Variants in RAP1GAP2 observed in about 807,000 individuals in gnomAD.
RAP1GAP2 encodes the protein RAP1 GTPase activating protein 2.
RAP1GAP2 carries 27 observed loss-of-function variants against 95.0 expected under a neutral mutation model. The observed-to-expected ratio is 0.28, with a 90% CI of 0.21 to 0.39. The LOEUF (loss-of-function observed/expected upper bound fraction) is 0.39. Ranked by LOEUF, RAP1GAP2 falls within the 10% of genes least tolerant of loss-of-function variation. The pLI is 1.00. For missense variants in RAP1GAP2, 771 were observed against 970.0 expected (o/e 0.79, Z 2.72); for synonymous variants, 373 against 380.9 (o/e 0.98, Z 0.24).
At chr17:2,832,520 T>C (rs1038102040) in intron 2 of RAP1GAP2, among the ~76,000 whole-genome samples, 13 of 136,744 alleles carry the variant, frequency 9.5e-5, no homozygotes, top group South Asian at 4.6e-4. Flanking sequence ...ATCGCGCCAC[T>C]GCACTCCAGC....
In RAP1GAP2 at chr17:3,008,236, A is replaced by T; in HGVS notation, c.1494+91A>T. The T allele has an allele frequency of 6.5e-7, 1 of 1,546,166 alleles. No homozygotes were observed. Among genetic ancestry groups the T allele is most frequent in the Admixed American group, 1.8e-5 (1 of 55,276 alleles). On this transcript the variant is annotated intron_variant, in intron 17 of 24. Transcript: ENST00000254695. The surrounding 1 kb of genome is among the most constrained non-coding windows in gnomAD (Gnocchi z 4.2). ...AAGGTCCATGGGATACTGATCCCAG[A>T]GCCCAAGGGCCAGCTGGAGGGGTGA...
chr17:2,965,412 T>C lies in RAP1GAP2; in HGVS notation c.493-128T>C. 1.4e-6 allele frequency: 1 copy of C among 721,226 alleles called. No individual in the cohort carries two copies. The highest frequency in any genetic ancestry group is 2.3e-6 in the Non-Finnish European group (1 of 432,288). The allele number at this position is 721,226 out of a possible 1,614,324, so 44.7% of individuals were successfully genotyped here. ...TCGGTACCTGTTAATGTCGTTGTCATTGTCATCAGTAGCATCCTTCTCTTC... is the reference window on the plus strand; with the variant it reads ...TCGGTACCTGTTAATGTCGTTGTCACTGTCATCAGTAGCATCCTTCTCTTC... On this transcript the variant is annotated intron_variant, in intron 7 of 24. Transcript: ENST00000254695. This position sits in a 1 kb window ranked among gnomAD's most constrained non-coding sequence, Gnocchi z 4.7.
chr17:3,032,755 G>A (rs2047366821), intron 24 of RAP1GAP2, among the ~76,000 whole-genome samples: 1 of 152,084 alleles, frequency 6.6e-6, no homozygotes. Flanking sequence ...TCTGACCCAG[G>A]AGGGAGGAGT....
chr17:2,897,101 C>T (rs568893245), intron 2 of RAP1GAP2, among the ~76,000 whole-genome samples: 10 of 152,320 alleles, frequency 6.6e-5, no homozygotes, highest in Admixed American at 5.2e-4. Context: ...CTTTGGGAGG[C>T]TGAGGCGGGT....
intron 2 of RAP1GAP2, among the ~76,000 whole-genome samples, chr17:2,837,118 G>T (rs1416423769): frequency 6.6e-6 from 1 of 152,002 alleles, no homozygotes; most frequent in African/African-American, 2.4e-5. Flanking sequence ...AAGCATGGTG[G>T]TGCACACCTG....
chr17:2,875,720 G>T (rs574920585), intron 2 of RAP1GAP2, among the ~76,000 whole-genome samples: 3 of 151,822 alleles, frequency 2.0e-5, no homozygotes, highest in Admixed American at 6.6e-5. Context: ...CCGTCTCGCC[G>T]CCTGTCTGTC....
Position 2,963,396 on chromosome 17 carries a change from G to A in RAP1GAP2, c.247-34G>A. ...GGTCAGACTTTACGGGCACTGCCGG[G>A]ACTAACGGTGGCATCATCTGGTTTG... On this transcript the variant is annotated intron_variant, in intron 5 of 24. Coordinates refer to ENST00000254695, the MANE Select transcript of RAP1GAP2 (RefSeq NM_015085.5). The surrounding 1 kb of genome is among the most constrained non-coding windows in gnomAD (Gnocchi z 4.8). 1 of 1,613,610 alleles carries A rather than the reference G, an allele frequency of 6.2e-7. No individual in the cohort carries two copies. Among genetic ancestry groups the A allele is most frequent in the East Asian group, 2.2e-5 (1 of 44,832 alleles).
intron 2 of RAP1GAP2, among the ~76,000 whole-genome samples, chr17:2,822,910 C>G (rs1417651305): frequency 6.6e-6 from 1 of 152,070 alleles, no homozygotes; most frequent in African/African-American, 2.4e-5. Flanking sequence ...GTCAGGAGTT[C>G]TAGACCAGCC....
chr17:2,823,850 A>G (rs1028901159), intron 2 of RAP1GAP2, among the ~76,000 whole-genome samples: 104 of 152,138 alleles, frequency 6.8e-4, no homozygotes, highest in African/African-American at 2.4e-3. Context: ...GGGGCCGGGC[A>G]CGGCGGCTCA....
chr17:2,791,824 G>A (rs1053506118), upstream of RAP1GAP2, among the ~76,000 whole-genome samples: 4 of 151,772 alleles, frequency 2.6e-5, no homozygotes, highest in Non-Finnish European at 5.9e-5. Flanking sequence ...CAGGAGGGCT[G>A]GGCCTGCTTC....
intron 17 of RAP1GAP2, among the ~76,000 whole-genome samples, chr17:3,014,052 T>C (rs1014166433): frequency 6.6e-6 from 1 of 152,264 alleles, no homozygotes; most frequent in Non-Finnish European, 1.5e-5. Context: ...GAATACGTCC[T>C]ACGACACACG....
chr17:2,802,703 C>CA (rs1187577887), intron 2 of RAP1GAP2, among the ~76,000 whole-genome samples: 120 of 148,494 alleles, frequency 8.1e-4, no homozygotes, highest in East Asian at 3.7e-3. Flanking sequence ...AATGCCGTCT[C>CA]AAAAAAAAAA....
chr17:2,873,337 G>C (rs1216058044), intron 2 of RAP1GAP2, among the ~76,000 whole-genome samples: 3 of 148,322 alleles, frequency 2.0e-5, no homozygotes, highest in African/African-American at 7.4e-5. Flanking sequence ...TAGCCGGTTG[G>C]GGCGGGGCAT....
At chr17:2,809,811 C>G (rs2069679376) in intron 2 of RAP1GAP2, among the ~76,000 whole-genome samples, 2 of 152,196 alleles carry the variant, frequency 1.3e-5, no homozygotes. Flanking sequence ...TCAGGACACC[C>G]CTCTCCAGCC....
chr17:2,800,728 G>C (rs2069252836), intron 2 of RAP1GAP2, among the ~76,000 whole-genome samples, 178 bp downstream of exon 2: 1 of 152,156 alleles, frequency 6.6e-6, no homozygotes, highest in Non-Finnish European at 1.5e-5. Context: ...TTCCTGGGGT[G>C]TTCAGGGAGA....
At chr17:2,762,238 C>T (rs748423357) in intron 1 of RAP1GAP2, among the ~76,000 whole-genome samples, 5 of 151,304 alleles carry the variant, frequency 3.3e-5, no homozygotes, top group Non-Finnish European at 4.4e-5. Context: ...CCACCTGCCT[C>T]GGCCTCCCAA....
chr17:3,028,349 A>G (rs1334453681), intron 22 of RAP1GAP2, among the ~76,000 whole-genome samples: 2 of 151,952 alleles, frequency 1.3e-5, no homozygotes, highest in East Asian at 1.9e-4. Context: ...AATTTTCACA[A>G]TTTTGGAGGG....
chr17:2,953,025 C>G (rs972129624), intron 3 of RAP1GAP2, among the ~76,000 whole-genome samples: 1 of 151,926 alleles, frequency 6.6e-6, no homozygotes, highest in Admixed American at 6.6e-5. Context: ...AGGCTGGTCT[C>G]GAACTCCTGG....
At position 2,980,401 on chromosome 17, in the gene RAP1GAP2, C is replaced by G. The variant is rs748578712; in HGVS notation, c.675+36C>G. On this transcript the variant is annotated intron_variant, in intron 9 of 24. Coordinates refer to ENST00000254695, the MANE Select transcript of RAP1GAP2 (RefSeq NM_015085.5). The stretch of plus-strand genomic sequence containing the variant: ...AACCCGTGAGAGATGGTGGCTTCCT[C>G]TCTCAGCCCAGGGCTGGCCTCTGGA... 1.0e-5 allele frequency: 16 copies of G among 1,603,046 alleles called. No homozygotes were observed. In the Admixed American group the frequency reaches 1.5e-4, roughly 15 times the overall value.
Sources: gnomAD v4.1 joint callset for allele counts (sites outside exome capture counted in the v4.1 genomes callset) on GRCh38, gnomAD v4.1.1 for gene constraint, Gnocchi (gnomAD v3.1) non-coding constraint, MANE v1.5 for transcripts, NCBI Gene and HGNC (gene_info 2026-07-23, HGNC 2026-07-21) for gene names.